The following FGGY variants were observed in gnomAD, a reference collection of about 807,000 sequenced individuals.
FGGY encodes FGGY carbohydrate kinase domain-containing protein.
In FGGY, 72 loss-of-function variants were observed where a neutral mutation model predicts 71.3. The ratio of observed to expected loss-of-function variants is 1.01; its 90% CI spans 0.84 to 1.23. The LOEUF (loss-of-function observed/expected upper bound fraction) is 1.23. FGGY is among the 50% of genes most tolerant of loss of function. The pLI is 0.00. For synonymous variants in FGGY, 251 were observed against 250.3 expected, an observed-to-expected ratio of 1.00 and a Z score of -0.02; for missense variants, 668 against 682.3, an observed-to-expected ratio of 0.98 and a Z score of 0.23.
chr1:59,588,536 A>T (rs1464727105), intron 8 of FGGY, among the ~76,000 whole-genome samples: 1 of 152,202 alleles, frequency 6.6e-6, no homozygotes, highest in African/African-American at 2.4e-5. Context: ...GGGCAGCCAG[A>T]GAGAAAGGGC....
chr1:59,349,145 CAGGTGAT>C (rs993861670), intron 4 of FGGY, among the ~76,000 whole-genome samples: 2 of 152,156 alleles, frequency 1.3e-5, no homozygotes, highest in African/African-American at 2.4e-5. Flanking sequence ...TTTTCCCAAA[CAGGTGAT>C]AGAGCCAGAA....
intron 11 of FGGY, among the ~76,000 whole-genome samples, chr1:59,654,221 G>C (rs907220187): frequency 3.3e-5 from 5 of 152,214 alleles, no homozygotes; most frequent in African/African-American, 1.2e-4. Context: ...TTTTTGGTAA[G>C]ATGTGTCCCC....
At chr1:59,486,161 G>A (rs2093651845) in intron 6 of FGGY, among the ~76,000 whole-genome samples, 1 of 152,208 alleles carries the variant, frequency 6.6e-6, no homozygotes, top group Non-Finnish European at 1.5e-5. Context: ...ACACACAGAT[G>A]TGTGAATGAC....
intron 6 of FGGY, among the ~76,000 whole-genome samples, chr1:59,462,348 A>G (rs1045741631): frequency 5.9e-5 from 9 of 152,198 alleles, no homozygotes; most frequent in African/African-American, 2.2e-4. Flanking sequence ...CTAAAACCAT[A>G]AAAACCCTAG....
chr1:59,715,021 C>T (rs1252070346), intron 14 of FGGY, among the ~76,000 whole-genome samples: 1 of 152,212 alleles, frequency 6.6e-6, no homozygotes, highest in Non-Finnish European at 1.5e-5. Context: ...TTCTGGATGC[C>T]CTTTGTTTCC....
chr1:59,630,641 A>G (rs2096900006), intron 10 of FGGY, among the ~76,000 whole-genome samples: 1 of 152,242 alleles, frequency 6.6e-6, no homozygotes, highest in South Asian at 2.1e-4. Flanking sequence ...TTGCAATGAC[A>G]TACTCTAAAC....
intron 5 of FGGY, among the ~76,000 whole-genome samples, chr1:59,422,516 A>G (rs55866404): frequency 0.17 from 26,140 of 151,720 alleles, 2,750 homozygotes; most frequent in East Asian, 0.36. Context: ...GCAACATGGA[A>G]AAACCGATCT....
At chr1:59,380,712 A>G (rs938186473) in intron 5 of FGGY, among the ~76,000 whole-genome samples, 2 of 151,486 alleles carry the variant, frequency 1.3e-5, no homozygotes, top group Non-Finnish European at 2.9e-5. Flanking sequence ...AGATGAGTAG[A>G]TTGCAAAAAT....
rs372856057 is a variant in FGGY at position 59,548,392 on chromosome 1, A to G, written c.800-5732A>G. 1.0e-3 allele frequency among the ~76,000 whole-genome samples: 154 copies of G among 152,240 alleles called. 1 individual carries two copies. The South Asian group carries it at 0.031, about 31-fold the overall frequency. The stretch of plus-strand genomic sequence containing the variant: ...ATGGCGTATCTCCCATTTATTGAGT[A>G]CTGGTGTGTTCCACCTAAATCTCAT... On this transcript the variant is annotated intron_variant, in intron 7 of 15. Transcript: ENST00000303721.
intron 8 of FGGY, among the ~76,000 whole-genome samples, chr1:59,605,690 C>G (rs1178876117): frequency 6.6e-6 from 1 of 152,128 alleles, no homozygotes; most frequent in African/African-American, 2.4e-5. Context: ...CCTTCCCCCC[C>G]TTCCCATTTT....
chr1:59,469,744 C>G (rs776836519), intron 6 of FGGY, among the ~76,000 whole-genome samples: 2 of 152,132 alleles, frequency 1.3e-5, no homozygotes, highest in Non-Finnish European at 2.9e-5. Context: ...CCTCCTCCCA[C>G]CCTTTGTCCT....
intron 14 of FGGY, among the ~76,000 whole-genome samples, chr1:59,725,153 T>C (rs1036915546): frequency 1.3e-5 from 2 of 152,248 alleles, no homozygotes; most frequent in African/African-American, 2.4e-5. Context: ...AATGTCACTG[T>C]CTAAATTCAT....
At chr1:59,472,812 C>T (rs1440638171) in intron 6 of FGGY, among the ~76,000 whole-genome samples, 2 of 151,984 alleles carry the variant, frequency 1.3e-5, no homozygotes, top group Admixed American at 6.5e-5. Flanking sequence ...ATTGTAAATA[C>T]ACCAATCGGC....
chr1:59,466,933 A>G (rs1162580556), intron 6 of FGGY, among the ~76,000 whole-genome samples: 1 of 152,228 alleles, frequency 6.6e-6, no homozygotes, highest in African/African-American at 2.4e-5. Context: ...CCATTGTGGA[A>G]GATAGTGTGG....
At chr1:59,726,049 T>G (rs2097943989) in intron 14 of FGGY, among the ~76,000 whole-genome samples, 1 of 152,150 alleles carries the variant, frequency 6.6e-6, no homozygotes, top group Non-Finnish European at 1.5e-5. Flanking sequence ...CTGTAGAGTT[T>G]TTTTGTACAT....
chr1:59,539,814 C>G (rs1051480169), intron 7 of FGGY, among the ~76,000 whole-genome samples: 2 of 151,980 alleles, frequency 1.3e-5, no homozygotes, highest in African/African-American at 2.4e-5. Context: ...AAAATGCAAG[C>G]CACAAAGTGG....
At chr1:59,535,277 G>T (rs2095281849) in intron 7 of FGGY, among the ~76,000 whole-genome samples, 1 of 152,070 alleles carries the variant, frequency 6.6e-6, no homozygotes, top group Non-Finnish European at 1.5e-5. Context: ...AACAAGAAGA[G>T]CTAACTATCC....
At chr1:59,405,736 T>C (rs1301806364) in intron 5 of FGGY, among the ~76,000 whole-genome samples, 2 of 152,182 alleles carry the variant, frequency 1.3e-5, no homozygotes, top group African/African-American at 4.8e-5. Flanking sequence ...CCAGTCGACC[T>C]TAGTCATTTG....
rs180706063 is a variant in FGGY, at chr1:59,330,222, A to T, written c.201+8472A>T. 1.2e-3 allele frequency among the ~76,000 whole-genome samples: 179 copies of T among 152,260 alleles called. 1 individual carries two copies. The highest frequency in any genetic ancestry group is 2.2e-3 in the Non-Finnish European group (152 of 68,006). ...ATGTATGTCTTCCCTACTAGATTTT[A>T]TGTTTCAGGAGGGCAGGAGCTATGT... On this transcript the variant is annotated intron_variant, in intron 2 of 15. Transcript: ENST00000303721.
Sources: allele counts gnomAD v4.1 joint callset (sites outside exome capture counted in the v4.1 genomes callset), GRCh38; gene constraint gnomAD v4.1.1; transcripts MANE v1.5; gene names NCBI Gene and HGNC (gene_info 2026-07-23, HGNC 2026-07-21).